WARS2: variants seen among roughly 807,000 people sequenced by gnomAD.
The protein encoded by WARS2 is tryptophan--tRNA ligase, mitochondrial.
A neutral mutation model predicts 36.5 loss-of-function variants in WARS2; 28 were observed. That is an observed-to-expected ratio of 0.77 (90% confidence interval 0.57 to 1.05). The LOEUF is 1.05. Ranked by LOEUF, WARS2 falls within the 50% of genes least tolerant of loss-of-function variation. The pLI, the probability that WARS2 is intolerant of heterozygous loss-of-function variation, is 0.00. For synonymous variants in WARS2, 174 were observed against 178.4 expected (o/e 0.98, Z 0.20); for missense variants, 435 against 456.8 (o/e 0.95, Z 0.44).
chr1:119,058,536 C>T (rs1238635189), intron 2 of WARS2, among the ~76,000 whole-genome samples: 4 of 131,904 alleles, frequency 3.0e-5, no homozygotes, highest in Non-Finnish European at 6.3e-5. Context: ...TCAATTCCCA[C>T]CTATGAGTGA....
At position 119,036,297 on chromosome 1, in the gene WARS2, C is replaced by T. The variant is rs559977534; in HGVS notation, c.516-2084G>A. Among the ~76,000 whole-genome samples the T allele has an allele frequency of 5.3e-5, 8 of 152,326 alleles. No homozygotes were observed. The South Asian group carries it at 1.0e-3, about 20-fold the overall frequency. ...GGGCCATAGCCATTGCTCTCTTCCA[C>T]GCAGCCTGGAGTAGAAAGCCACTGG... On this transcript the variant is annotated intron_variant, in intron 4 of 5. Transcript: ENST00000235521.
chr1:119,098,591 T>A (rs1480080285), intron 1 of WARS2, among the ~76,000 whole-genome samples: 1 of 148,166 alleles, frequency 6.7e-6, no homozygotes, highest in Non-Finnish European at 1.5e-5. Flanking sequence ...GCGCCCGCCA[T>A]CACGCGCAGC....
At chr1:119,106,755 T>A (rs902013255) in intron 1 of WARS2, among the ~76,000 whole-genome samples, 1 of 152,172 alleles carries the variant, frequency 6.6e-6, no homozygotes, top group Non-Finnish European at 1.5e-5. Flanking sequence ...CAATTATAAA[T>A]AAAGCTGCCA....
At chr1:119,091,887 A>G (rs1653075253) in intron 1 of WARS2, among the ~76,000 whole-genome samples, 1 of 152,238 alleles carries the variant, frequency 6.6e-6, no homozygotes, top group East Asian at 1.9e-4. Context: ...TACACAGCAC[A>G]GTGTCTGCCT....
intron 1 of WARS2, among the ~76,000 whole-genome samples, chr1:119,114,809 C>A (rs79332641): frequency 3.9e-5 from 6 of 152,202 alleles, no homozygotes; most frequent in Admixed American, 3.9e-4. Context: ...CTGCAAAGAA[C>A]TAAACCAAAG....
At chr1:119,095,108 GA>G (rs776038654) in intron 1 of WARS2, among the ~76,000 whole-genome samples, 18 of 151,920 alleles carry the variant, frequency 1.2e-4, no homozygotes, top group Non-Finnish European at 2.1e-4. Flanking sequence ...AAATGAGTAA[GA>G]AAAAAATCAT....
At chr1:119,090,549 CG>C (rs1026467799) in intron 1 of WARS2, among the ~76,000 whole-genome samples, 1 of 152,006 alleles carries the variant, frequency 6.6e-6, no homozygotes, top group African/African-American at 2.4e-5. Context: ...TTTTAAAAAA[CG>C]CATGTCATTT....
intron 1 of WARS2, among the ~76,000 whole-genome samples, chr1:119,118,311 G>A (rs1655108921): frequency 6.6e-6 from 1 of 151,714 alleles, no homozygotes; most frequent in Non-Finnish European, 1.5e-5. Flanking sequence ...TAATAGAATT[G>A]AACAAGCAGA....
intron 2 of WARS2, among the ~76,000 whole-genome samples, chr1:119,053,956 C>T (rs182606027): frequency 1.1e-4 from 16 of 152,108 alleles, no homozygotes; most frequent in Middle Eastern, 3.4e-3. Context: ...ACTCAGGAGG[C>T]TGAGGCAGAA....
chr1:119,133,110 G>A (rs1656233892), intron 1 of WARS2, among the ~76,000 whole-genome samples: 1 of 152,170 alleles, frequency 6.6e-6, no homozygotes, highest in African/African-American at 2.4e-5. Context: ...GCTATAGACT[G>A]TGTATAAACA....
intron 1 of WARS2, among the ~76,000 whole-genome samples, chr1:119,120,561 T>C (rs758166019): frequency 6.6e-6 from 1 of 151,926 alleles, no homozygotes; most frequent in Non-Finnish European, 1.5e-5. Context: ...AAAACATCAT[T>C]ACCCTAATAC....
chr1:119,104,257 TA>T (rs1654081863), intron 1 of WARS2, among the ~76,000 whole-genome samples: 1 of 151,646 alleles, frequency 6.6e-6, no homozygotes, highest in Admixed American at 6.6e-5. Flanking sequence ...CTAATACCCA[TA>T]ATATTAGGAT....
rs774946774 is a variant in WARS2 at position 119,075,154 on chromosome 1, G to GTATATATATATATATATA, written c.348+1195_348+1196insTATATATATATATATATA. 4.5e-3 allele frequency among the ~76,000 whole-genome samples: 676 copies of GTATATATATATATATATA among 150,962 alleles called. 1 individual carries two copies. The highest frequency in any genetic ancestry group is 0.014 in the African/African-American group (566 of 40,760). On this transcript the variant is annotated intron_variant, in intron 2 of 5. Transcript: ENST00000235521. ...ATCTCTAAAAATTTAAAAAATTAGTGTATATATATACATATATATGAAATC... is the reference window on the plus strand; with the variant it reads ...ATCTCTAAAAATTTAAAAAATTAGTGTATATATATATATATATATATATATATACATATATATGAAATC...
intron 1 of WARS2, among the ~76,000 whole-genome samples, chr1:119,094,030 G>C (rs1653246134): frequency 6.6e-6 from 1 of 152,174 alleles, no homozygotes; most frequent in African/African-American, 2.4e-5. Context: ...TTATTACATA[G>C]ACCATGTCAA....
At chr1:119,104,109 G>A (rs1654072998) in intron 1 of WARS2, among the ~76,000 whole-genome samples, 2 of 151,334 alleles carry the variant, frequency 1.3e-5, no homozygotes, top group Admixed American at 6.6e-5. Flanking sequence ...ATGAGCCACT[G>A]AGCCAGGCCT....
chr1:119,113,333 A>C (rs1654768137), intron 1 of WARS2, among the ~76,000 whole-genome samples: 1 of 152,224 alleles, frequency 6.6e-6, no homozygotes, highest in African/African-American at 2.4e-5. Flanking sequence ...TCATATGCCC[A>C]AGCAGGTGAA....
chr1:119,037,755 C>G (rs907609661), intron 4 of WARS2, among the ~76,000 whole-genome samples: 3 of 152,212 alleles, frequency 2.0e-5, no homozygotes, highest in Non-Finnish European at 2.9e-5. Flanking sequence ...TGCTATCAAT[C>G]CAGTTGGGTA....
At chr1:119,068,117 C>T (rs1289513219) in intron 2 of WARS2, among the ~76,000 whole-genome samples, 1 of 152,194 alleles carries the variant, frequency 6.6e-6, no homozygotes, top group African/African-American at 2.4e-5. Context: ...AATATATTCT[C>T]CAAGTCCACT....
At chr1:119,094,453 G>GC (rs1653274652) in intron 1 of WARS2, among the ~76,000 whole-genome samples, 2 of 145,212 alleles carry the variant, frequency 1.4e-5, no homozygotes, top group South Asian at 2.2e-4. Flanking sequence ...ATATGTGTTT[G>GC]TTTTTTTTTT....
Sources: gnomAD v4.1 joint callset for allele counts (sites outside exome capture counted in the v4.1 genomes callset) on GRCh38, gnomAD v4.1.1 for gene constraint, MANE v1.5 for transcripts, NCBI Gene and HGNC (gene_info 2026-07-23, HGNC 2026-07-21) for gene names.